Variants in CDH13 observed in about 807,000 individuals in gnomAD.
The protein encoded by CDH13 is cadherin-13.
In CDH13, 24 loss-of-function variants were observed where a neutral mutation model predicts 63.8. That is an observed-to-expected ratio of 0.38 (90% CI 0.27 to 0.53). The LOEUF (loss-of-function observed/expected upper bound fraction) is 0.53, where lower values mean the gene tolerates loss of function less well. Among genes scored for constraint, CDH13 ranks in the 20% least tolerant of loss-of-function variants. The pLI, the probability that CDH13 is intolerant of heterozygous loss-of-function variation, is 0.85. For synonymous variants in CDH13, 503 were observed against 355.3 expected (o/e 1.42, Z -4.67); for missense variants, 1,049 against 903.1 (o/e 1.16, Z -2.07).
At chr16:83,583,564 T>C (rs1045223230) in intron 7 of CDH13, among the ~76,000 whole-genome samples, 1 of 152,218 alleles carries the variant, frequency 6.6e-6, no homozygotes, top group African/African-American at 2.4e-5. Context: ...ATCCTCATAA[T>C]AGTGATGGAG....
At position 82,722,049 on chromosome 16, in the gene CDH13, A is replaced by G. The variant is rs55822653; in HGVS notation, c.45+94912A>G. Among the ~76,000 whole-genome samples, 1,516 of 152,282 alleles carry G rather than the reference A, an allele frequency of 1.0e-2. 15 individuals carry two copies. The highest frequency in any genetic ancestry group is 0.015 in the Non-Finnish European group (1,002 of 68,016). On this transcript the variant is annotated intron_variant, in intron 1 of 13. Transcript: ENST00000567109. The stretch of plus-strand genomic sequence containing the variant: ...GGGCCCATCGGGAGGCAGGGATGGG[A>G]TTCAAGGAAGACTTGTTGGTTTGGA...
At chr16:83,001,216 C>T (rs1177463287) in intron 2 of CDH13, among the ~76,000 whole-genome samples, 2 of 152,232 alleles carry the variant, frequency 1.3e-5, no homozygotes, top group African/African-American at 2.4e-5. Context: ...CTGCACAGAG[C>T]AGGCAAGTAA....
intron 5 of CDH13, among the ~76,000 whole-genome samples, chr16:83,323,649 AAAC>A (rs2090291511): frequency 6.6e-6 from 1 of 152,206 alleles, no homozygotes; most frequent in African/African-American, 2.4e-5. Context: ...AAAGCAAAAC[AAAC>A]AACAAACTAG....
At chr16:83,670,557 C>T (rs1914408797) in intron 8 of CDH13, among the ~76,000 whole-genome samples, 1 of 152,182 alleles carries the variant, frequency 6.6e-6, no homozygotes, top group South Asian at 2.1e-4. Flanking sequence ...CACAGCACAG[C>T]CATGGTCAGT....
chr16:82,876,482 T>C (rs2040507685), intron 2 of CDH13, among the ~76,000 whole-genome samples: 1 of 152,240 alleles, frequency 6.6e-6, no homozygotes, highest in Non-Finnish European at 1.5e-5. Flanking sequence ...AATCAAGTTT[T>C]GTAAAATTAA....
chr16:82,817,538 T>G (rs1261521144), intron 1 of CDH13, among the ~76,000 whole-genome samples: 1 of 152,192 alleles, frequency 6.6e-6, no homozygotes, highest in African/African-American at 2.4e-5. Flanking sequence ...GTGCAGTGGC[T>G]CACACCTGTA....
intron 2 of CDH13, among the ~76,000 whole-genome samples, chr16:82,872,229 G>A (rs1180934928): frequency 6.6e-6 from 1 of 152,204 alleles, no homozygotes; most frequent in Non-Finnish European, 1.5e-5. Context: ...TTAGGTGGCA[G>A]GGGATAAGGA....
At chr16:82,793,199 G>A (rs2036406725) in intron 1 of CDH13, among the ~76,000 whole-genome samples, 1 of 152,240 alleles carries the variant, frequency 6.6e-6, no homozygotes, top group African/African-American at 2.4e-5. Context: ...TGTGTCGCCT[G>A]TTAGTAATGA....
intron 6 of CDH13, among the ~76,000 whole-genome samples, chr16:83,426,508 A>ATC (rs2071899564): frequency 1.0e-5 from 1 of 96,918 alleles, no homozygotes; most frequent in African/African-American, 3.4e-5. Flanking sequence ...CATGGAAACA[A>ATC]TCACACACAC....
chr16:83,071,959 G>C (rs1385359078), intron 3 of CDH13, among the ~76,000 whole-genome samples: 3 of 151,998 alleles, frequency 2.0e-5, no homozygotes. Flanking sequence ...TAACGTCAAA[G>C]AGACATATAA....
chr16:83,046,910 C>G (rs1025281834), intron 3 of CDH13, among the ~76,000 whole-genome samples: 2 of 152,138 alleles, frequency 1.3e-5, no homozygotes, highest in Admixed American at 6.5e-5. Context: ...GACATGAGAT[C>G]CAAGAGAGGG....
At chr16:83,260,396 AAATTT>A (rs2151835032) in intron 5 of CDH13, among the ~76,000 whole-genome samples, 2 of 152,234 alleles carry the variant, frequency 1.3e-5, no homozygotes, top group Admixed American at 6.5e-5. Context: ...GGAAAGAATT[AAATTT>A]TTTATTAGTA....
chr16:82,897,155 G>C (rs2041299575), intron 2 of CDH13, among the ~76,000 whole-genome samples: 1 of 152,122 alleles, frequency 6.6e-6, no homozygotes, highest in South Asian at 2.1e-4. Flanking sequence ...CATCAAAAAA[G>C]TTTTAAATTC....
At chr16:83,312,066 CAAAAAAA>C (rs5818437) in intron 5 of CDH13, among the ~76,000 whole-genome samples, 4 of 94,946 alleles carry the variant, frequency 4.2e-5, no homozygotes, top group East Asian at 3.1e-4. Context: ...AACTCCATCT[CAAAAAAA>C]AAAAAAAAAA....
chr16:83,635,612 G>C (rs1328465437), intron 8 of CDH13, among the ~76,000 whole-genome samples: 1 of 152,036 alleles, frequency 6.6e-6, no homozygotes, highest in East Asian at 1.9e-4. Context: ...AAAGTGCTGG[G>C]ATTACAGGTG....
chr16:83,693,838 G>A (rs1429407302), intron 10 of CDH13, among the ~76,000 whole-genome samples: 3 of 152,202 alleles, frequency 2.0e-5, no homozygotes, highest in Non-Finnish European at 4.4e-5. Flanking sequence ...ATTTTAAGAT[G>A]CTCTGCAAAG....
At chr16:83,330,592 A>C (rs912885295) in intron 5 of CDH13, among the ~76,000 whole-genome samples, 1 of 152,188 alleles carries the variant, frequency 6.6e-6, no homozygotes, top group South Asian at 2.1e-4. Flanking sequence ...AGTAGGACCA[A>C]TGTAGCACAG....
intron 5 of CDH13, among the ~76,000 whole-genome samples, chr16:83,272,381 G>C (rs2088851491): frequency 6.6e-6 from 1 of 152,196 alleles, no homozygotes. Context: ...TGTGAACCAG[G>C]AGGACAGCGT....
intron 1 of CDH13, chr16:82,829,404 C>T (rs2038420757): frequency 6.6e-6 from 1 of 152,028 alleles, no homozygotes; most frequent in South Asian, 2.1e-4. Context: ...TACTCTTGGG[C>T]TTGAAACACC....
Sources: allele counts gnomAD v4.1 joint callset (sites outside exome capture counted in the v4.1 genomes callset), GRCh38; gene constraint gnomAD v4.1.1; transcripts MANE v1.5; gene names NCBI Gene and HGNC (gene_info 2026-07-23, HGNC 2026-07-21).